The following ANO10 variants were observed in gnomAD, a reference collection of about 807,000 sequenced individuals.
ANO10 encodes the protein anoctamin 10.
ANO10 carries 77 observed loss-of-function variants against 74.7 expected under a neutral mutation model. The observed-to-expected ratio is 1.03, with a 90% CI of 0.86 to 1.25. ANO10 has a LOEUF of 1.25. Ranked by LOEUF, ANO10 falls within the 50% of genes most tolerant of loss-of-function variation. ANO10 has a pLI of 0.00. For missense variants in ANO10, 721 were observed against 778.1 expected, an observed-to-expected ratio of 0.93 and a Z score of 0.87; for synonymous variants, 279 against 284.9, an observed-to-expected ratio of 0.98 and a Z score of 0.21.
At chr3:43,507,508 T>C (rs2077339516) in intron 11 of ANO10, among the ~76,000 whole-genome samples, 1 of 151,950 alleles carries the variant, frequency 6.6e-6, no homozygotes, top group African/African-American at 2.4e-5. Flanking sequence ...CCTGGAAGTT[T>C]AGAAGCAGAC....
At chr3:43,625,408 T>C (rs1457858423), upstream of ANO10, among the ~76,000 whole-genome samples, 2 of 152,234 alleles carry the variant, frequency 1.3e-5, no homozygotes, top group Non-Finnish European at 1.5e-5. Context: ...TTGAGTTCCC[T>C]GCCATCATGA....
At chr3:43,417,200 T>TG (rs1325682637) in intron 12 of ANO10, among the ~76,000 whole-genome samples, 1 of 152,196 alleles carries the variant, frequency 6.6e-6, no homozygotes, top group East Asian at 1.9e-4. Context: ...GCTGGGAACT[T>TG]GCACGGGTGA....
intron 11 of ANO10, among the ~76,000 whole-genome samples, chr3:43,443,395 T>C (rs780160267): frequency 6.6e-6 from 1 of 152,152 alleles, no homozygotes; most frequent in Non-Finnish European, 1.5e-5. Context: ...GTTTTCTTCT[T>C]TGGTAGGTCT....
At chr3:43,564,800 G>A (rs974376909) in intron 8 of ANO10, among the ~76,000 whole-genome samples, 6 of 152,128 alleles carry the variant, frequency 3.9e-5, no homozygotes, top group Admixed American at 6.5e-5. Flanking sequence ...AGATAGATAT[G>A]AATGTTTCCA....
chr3:43,636,013 T>TA (rs942467438), intron 1 of ANO10, among the ~76,000 whole-genome samples: 47 of 147,136 alleles, frequency 3.2e-4, no homozygotes, highest in African/African-American at 8.0e-4. Flanking sequence ...AACAAACAAG[T>TA]AAAAAAAACA....
At chr3:43,506,470 T>C (rs1387432326) in intron 11 of ANO10, among the ~76,000 whole-genome samples, 2 of 152,114 alleles carry the variant, frequency 1.3e-5, no homozygotes, top group East Asian at 1.9e-4. Context: ...GAGGCCCCAT[T>C]AACACATAAG....
chr3:43,397,189 A>G (rs181196956), intron 12 of ANO10, among the ~76,000 whole-genome samples: 130 of 152,274 alleles, frequency 8.5e-4, no homozygotes, highest in African/African-American at 2.9e-3. Flanking sequence ...TCAGCCTCCT[A>G]AAATGCTGAG....
At chr3:43,403,705 CTTTAT>C (rs111859344) in intron 12 of ANO10, among the ~76,000 whole-genome samples, 3 of 152,322 alleles carry the variant, frequency 2.0e-5, no homozygotes, top group African/African-American at 7.2e-5. Context: ...ATTAGCCACA[CTTTAT>C]TTTAAATAGG....
At chr3:43,445,593 C>G (rs1359594519) in intron 11 of ANO10, among the ~76,000 whole-genome samples, 3 of 152,208 alleles carry the variant, frequency 2.0e-5, no homozygotes, top group Non-Finnish European at 4.4e-5. Context: ...TAAACCAGTT[C>G]TCAGGTTAAG....
intron 11 of ANO10, among the ~76,000 whole-genome samples, chr3:43,514,923 G>A (rs1448658457): frequency 6.6e-6 from 1 of 152,256 alleles, no homozygotes; most frequent in Non-Finnish European, 1.5e-5. Context: ...TTTGCACTGA[G>A]TAAAAATGAA....
intron 12 of ANO10, among the ~76,000 whole-genome samples, chr3:43,424,110 T>A (rs1295602480): frequency 6.6e-6 from 1 of 152,206 alleles, no homozygotes; most frequent in East Asian, 1.9e-4. Flanking sequence ...TCCAGCCTCA[T>A]TCTGACTTTG....
intron 1 of ANO10, among the ~76,000 whole-genome samples, chr3:43,616,082 C>T (rs569946922): frequency 6.6e-6 from 1 of 152,294 alleles, no homozygotes; most frequent in South Asian, 2.1e-4. Context: ...AGGTCACATA[C>T]TCAACAGTAT....
upstream of ANO10, among the ~76,000 whole-genome samples, chr3:43,625,134 G>A (rs536764167): frequency 4.6e-5 from 7 of 151,804 alleles, no homozygotes; most frequent in Admixed American, 4.6e-4. Context: ...TACCACTGCA[G>A]GGCAGCTCCC....
chr3:43,675,020 C>A (rs1339783103), intron 1 of ANO10, among the ~76,000 whole-genome samples: 1 of 152,220 alleles, frequency 6.6e-6, no homozygotes, highest in Non-Finnish European at 1.5e-5. Context: ...GTGTCAACAG[C>A]AATGAGTCTC....
At chr3:43,609,350 T>A (rs578182080) in intron 1 of ANO10, among the ~76,000 whole-genome samples, 11 of 152,312 alleles carry the variant, frequency 7.2e-5, no homozygotes, top group African/African-American at 2.6e-4. Context: ...AGTGAAACCA[T>A]ATTACAGAAT....
At chr3:43,672,391 G>A (rs187453724) in intron 1 of ANO10, among the ~76,000 whole-genome samples, 85 of 152,040 alleles carry the variant, frequency 5.6e-4, no homozygotes, top group African/African-American at 1.9e-3. Flanking sequence ...TAAATTAACC[G>A]GGCCTGGTGC....
intron 11 of ANO10, among the ~76,000 whole-genome samples, chr3:43,461,491 C>T (rs565070312): frequency 1.3e-5 from 2 of 152,272 alleles, no homozygotes; most frequent in South Asian, 4.2e-4. Context: ...CTTGAATTCC[C>T]ATGTGTTCTG....
At chr3:43,611,302 ACCTACCAAT>A (rs1232819626) in intron 1 of ANO10, among the ~76,000 whole-genome samples, 1 of 152,210 alleles carries the variant, frequency 6.6e-6, no homozygotes, top group Non-Finnish European at 1.5e-5. Context: ...GAGTTGAGCC[ACCTACCAAT>A]CCAGAATACC....
chr3:43,450,806 GT>G (rs1185970593), intron 11 of ANO10, among the ~76,000 whole-genome samples: 1 of 152,164 alleles, frequency 6.6e-6, no homozygotes, highest in African/African-American at 2.4e-5. Context: ...ACAGATTACA[GT>G]TCAAAAAGTA....
Sources: gnomAD v4.1 joint callset for allele counts (sites outside exome capture counted in the v4.1 genomes callset) on GRCh38, gnomAD v4.1.1 for gene constraint, MANE v1.5 for transcripts, NCBI Gene and HGNC (gene_info 2026-07-23, HGNC 2026-07-21) for gene names.